CACNA2D3: variants seen among roughly 807,000 people sequenced by gnomAD.
CACNA2D3 encodes the protein voltage-dependent calcium channel subunit alpha-2/delta-3.
Under a neutral mutation model 160.6 loss-of-function variants are expected in CACNA2D3, and 60 were observed. The observed-to-expected ratio is 0.37, with a 90% CI of 0.30 to 0.46. The LOEUF is 0.46. Ranked by LOEUF, CACNA2D3 falls within the 20% of genes least tolerant of loss-of-function variation. The pLI is 1.00. For missense variants in CACNA2D3, 1,205 were observed against 1,365.0 expected, an observed-to-expected ratio of 0.88 and a Z score of 1.85; for synonymous variants, 558 against 492.9, an observed-to-expected ratio of 1.13 and a Z score of -1.75.
At chr3:54,320,667 A>C in intron 3 of CACNA2D3, 109 bp downstream of exon 3, 1 of 558,284 alleles carries the variant, frequency 1.8e-6, no homozygotes, top group Non-Finnish European at 3.1e-6. Flanking sequence ...TCACGCATCT[A>C]TTACGTAAAT....
intron 5 of CACNA2D3, among the ~76,000 whole-genome samples, chr3:54,517,076 G>A (rs921545240): frequency 4.1e-4 from 63 of 152,100 alleles, no homozygotes; most frequent in African/African-American, 1.4e-3. Context: ...AGGATCACAC[G>A]GATTTGGGTG....
At chr3:54,660,731 G>C (rs909804079) in intron 11 of CACNA2D3, among the ~76,000 whole-genome samples, 3 of 152,214 alleles carry the variant, frequency 2.0e-5, no homozygotes, top group Admixed American at 2.0e-4. Context: ...TTCCATTACT[G>C]CAGCCCAGCA....
chr3:54,999,074 T>C (rs1185932494), intron 31 of CACNA2D3, among the ~76,000 whole-genome samples: 1 of 152,172 alleles, frequency 6.6e-6, no homozygotes. Context: ...AATTTCCAGT[T>C]GGAGGGCTCA....
intron 11 of CACNA2D3, among the ~76,000 whole-genome samples, chr3:54,735,797 G>A (rs1452016906): frequency 6.6e-6 from 1 of 150,932 alleles, no homozygotes; most frequent in African/African-American, 2.4e-5. Context: ...GAATTGAGTG[G>A]AATTTTTTTC....
intron 4 of CACNA2D3, among the ~76,000 whole-genome samples, chr3:54,431,696 T>TC (rs762300138): frequency 4.6e-5 from 7 of 152,346 alleles, no homozygotes; most frequent in Non-Finnish European, 8.8e-5. Context: ...CACTGCAACC[T>TC]CCATCTCCTG....
chr3:54,288,066 T>C (rs1703079713), intron 2 of CACNA2D3, among the ~76,000 whole-genome samples: 1 of 151,630 alleles, frequency 6.6e-6, no homozygotes, highest in Admixed American at 6.6e-5. Flanking sequence ...AAGAAATAAC[T>C]AAAATCAGAG....
chr3:54,190,992 A>G (rs985854407), intron 2 of CACNA2D3, among the ~76,000 whole-genome samples: 6 of 151,678 alleles, frequency 4.0e-5, no homozygotes, highest in African/African-American at 1.5e-4. Context: ...GGATAATACC[A>G]GAACCTGCCA....
At chr3:54,853,677 A>G (rs573369468) in intron 17 of CACNA2D3, among the ~76,000 whole-genome samples, 224 of 152,314 alleles carry the variant, frequency 1.5e-3, no homozygotes, top group Non-Finnish European at 2.9e-3. Flanking sequence ...AAGAAGAACT[A>G]TGGGCTCACA....
intron 4 of CACNA2D3, among the ~76,000 whole-genome samples, chr3:54,391,731 G>A (rs1382494499): frequency 6.6e-6 from 1 of 151,980 alleles, no homozygotes; most frequent in Non-Finnish European, 1.5e-5. Context: ...GGCTGTTCTC[G>A]AGCTCCTGGG....
chr3:54,422,459 C>T (rs1037066992), intron 4 of CACNA2D3, among the ~76,000 whole-genome samples: 2 of 152,192 alleles, frequency 1.3e-5, no homozygotes, highest in African/African-American at 4.8e-5. Flanking sequence ...GAACCCCTTC[C>T]ATATCAATAA....
chr3:54,437,943 G>A (rs970765638), intron 4 of CACNA2D3, among the ~76,000 whole-genome samples: 6 of 152,196 alleles, frequency 3.9e-5, no homozygotes, highest in African/African-American at 1.4e-4. Context: ...TGGATGCTTA[G>A]CAGTTCTTTG....
rs1701515476 is a variant in CACNA2D3 at position 54,736,096 on chromosome 3, T to TATATAC, written c.1168-16500_1168-16499insTACATA. Among the ~76,000 whole-genome samples, 7 of 19,650 alleles carry TATATAC rather than the reference T, an allele frequency of 3.6e-4. 1 individual carries two copies. Among genetic ancestry groups the TATATAC allele is most frequent in the South Asian group, 1.4e-3 (1 of 708 alleles). The allele number at this position is 19,650 out of a possible 152,430, so 12.9% of individuals were successfully genotyped here. A position where few individuals can be genotyped will look rare whatever the true frequency, so the allele number is the denominator to read the frequency against. ...ATACATATATATGTATGTGTATATA[T>TATATAC]ATACATATATATGTATATATATACA... On this transcript the variant is annotated intron_variant, in intron 11 of 37. Transcript: ENST00000474759.
chr3:54,183,676 G>A (rs564854527), intron 2 of CACNA2D3, among the ~76,000 whole-genome samples: 20 of 151,992 alleles, frequency 1.3e-4, no homozygotes, highest in Non-Finnish European at 2.1e-4. Flanking sequence ...CCTGAGGTCA[G>A]TAGTTCCAGA....
rs114197678 is a variant in CACNA2D3, at chr3:54,922,692, C to T, written c.2449+22824C>T. 2.8e-3 allele frequency among the ~76,000 whole-genome samples: 422 copies of T among 152,238 alleles called. 2 individuals carry two copies. Among genetic ancestry groups the T allele is most frequent in the African/African-American group, 9.8e-3 (406 of 41,546 alleles). On this transcript the variant is annotated intron_variant, in intron 27 of 37. Coordinates refer to ENST00000474759, the MANE Select transcript of CACNA2D3 (RefSeq NM_018398.3). ...TTCATGTCTGTAGCTCCAACATCTTCCTGAGCTTCGGGCTTAAATATACAA... is the reference window on the plus strand; with the variant it reads ...TTCATGTCTGTAGCTCCAACATCTTTCTGAGCTTCGGGCTTAAATATACAA...
At chr3:54,249,220 G>T (rs1260945437) in intron 2 of CACNA2D3, among the ~76,000 whole-genome samples, 1 of 152,160 alleles carries the variant, frequency 6.6e-6, no homozygotes, top group Admixed American at 6.5e-5. Context: ...GGTTTACAGA[G>T]ATGCGTGCGG....
intron 2 of CACNA2D3, among the ~76,000 whole-genome samples, chr3:54,150,574 G>A (rs1700129143): frequency 6.6e-6 from 1 of 152,088 alleles, no homozygotes; most frequent in South Asian, 2.1e-4. Flanking sequence ...CAAATAACTT[G>A]GGACATGGTA....
chr3:54,137,404 CG>C (rs1161927354), intron 2 of CACNA2D3, among the ~76,000 whole-genome samples: 3 of 152,126 alleles, frequency 2.0e-5, no homozygotes, highest in African/African-American at 7.2e-5. Context: ...AATAGGTTAC[CG>C]GGACCTGTGG....
chr3:54,622,273 TTTTG>T (rs565279317), intron 9 of CACNA2D3, among the ~76,000 whole-genome samples: 3 of 152,100 alleles, frequency 2.0e-5, no homozygotes, highest in East Asian at 1.9e-4. Flanking sequence ...CAGTTCAGTT[TTTTG>T]TTTGTTTGTT....
intron 11 of CACNA2D3, among the ~76,000 whole-genome samples, chr3:54,704,406 A>G (rs1700820163): frequency 6.6e-6 from 1 of 152,186 alleles, no homozygotes; most frequent in Non-Finnish European, 1.5e-5. Context: ...TTGGGGGGAC[A>G]CTGGATCCCC....
Sources: allele counts gnomAD v4.1 joint callset (sites outside exome capture counted in the v4.1 genomes callset), GRCh38; gene constraint gnomAD v4.1.1; transcripts MANE v1.5; gene names NCBI Gene and HGNC (gene_info 2026-07-23, HGNC 2026-07-21).